Variants in SLC25A20 observed in about 807,000 individuals in gnomAD.
SLC25A20 encodes the protein mitochondrial carnitine/acylcarnitine carrier protein.
Under a neutral mutation model 39.7 loss-of-function variants are expected in SLC25A20, and 29 were observed. The ratio of observed to expected loss-of-function variants is 0.73; its 90% CI spans 0.54 to 1.00. SLC25A20 has a LOEUF of 1.00. Among genes scored for constraint, SLC25A20 ranks in the 50% least tolerant of loss-of-function variants. The pLI, the probability that SLC25A20 is intolerant of heterozygous loss-of-function variation, is 0.00. For missense variants in SLC25A20, 333 were observed against 379.9 expected, an observed-to-expected ratio of 0.88 and a Z score of 1.03; for synonymous variants, 103 against 142.2, an observed-to-expected ratio of 0.72 and a Z score of 1.96.
At chr3:48,863,661 G>A (rs1251280648) in intron 4 of SLC25A20, among the ~76,000 whole-genome samples, 1 of 152,162 alleles carries the variant, frequency 6.6e-6, no homozygotes, top group African/African-American at 2.4e-5. Flanking sequence ...GTTCCAAAGA[G>A]AAACACTTAC....
intron 3 of SLC25A20, among the ~76,000 whole-genome samples, chr3:48,880,571 CG>C (rs1032081950): frequency 1.5e-5 from 2 of 135,644 alleles, no homozygotes; most frequent in African/African-American, 2.7e-5. Flanking sequence ...CCACTGTGCC[CG>C]GCTTTTTTTT....
chr3:48,894,142 G>A (rs1426996080), intron 1 of SLC25A20, among the ~76,000 whole-genome samples: 1 of 142,362 alleles, frequency 7.0e-6, no homozygotes, highest in African/African-American at 2.6e-5. Context: ...GCCTGGGCAA[G>A]AGTGAGACTC....
intron 1 of SLC25A20, among the ~76,000 whole-genome samples, chr3:48,897,841 C>T (rs2083921234): frequency 6.6e-6 from 1 of 152,194 alleles, no homozygotes; most frequent in Non-Finnish European, 1.5e-5. Context: ...ATTTCCTTCA[C>T]GTCTACGTCT....
At chr3:48,898,620 C>A in intron 1 of SLC25A20, 70 bp downstream of exon 1, 1 of 1,412,396 alleles carries the variant, frequency 7.1e-7, no homozygotes, top group South Asian at 1.2e-5. Flanking sequence ...GTCCGCGCCT[C>A]GCGGGGGACC....
chr3:48,875,517 C>G (rs1301074426), intron 4 of SLC25A20, among the ~76,000 whole-genome samples: 1 of 152,174 alleles, frequency 6.6e-6, no homozygotes, highest in African/African-American at 2.4e-5. Flanking sequence ...TCAAGCAATT[C>G]TCGTGCCTCA....
chr3:48,869,802 C>T (rs890169363), intron 4 of SLC25A20, among the ~76,000 whole-genome samples: 1 of 151,958 alleles, frequency 6.6e-6, no homozygotes, highest in East Asian at 1.9e-4. Flanking sequence ...CAGGGTGAGA[C>T]TCTGTCTCTA....
chr3:48,877,689 A>G (rs2083768971), intron 4 of SLC25A20, among the ~76,000 whole-genome samples: 1 of 152,000 alleles, frequency 6.6e-6, no homozygotes, highest in South Asian at 2.1e-4. Context: ...AGATCATGCC[A>G]CTGCATTCCA....
chr3:48,865,151 C>T (rs2083657149), intron 4 of SLC25A20, among the ~76,000 whole-genome samples: 1 of 148,666 alleles, frequency 6.7e-6, no homozygotes, highest in Non-Finnish European at 1.5e-5. Context: ...TTTTTTGAGA[C>T]GGAGTCTTGC....
At chr3:48,894,896 C>T (rs1264362981) in intron 1 of SLC25A20, among the ~76,000 whole-genome samples, 1 of 152,250 alleles carries the variant, frequency 6.6e-6, no homozygotes, top group East Asian at 1.9e-4. Context: ...TGGCTCACCG[C>T]AACCTCTGCC....
intron 4 of SLC25A20, among the ~76,000 whole-genome samples, chr3:48,877,339 AAG>A (rs1217785084): frequency 1.3e-5 from 2 of 151,984 alleles, no homozygotes; most frequent in Non-Finnish European, 2.9e-5. Context: ...GCTTGAACCC[AAG>A]AGGCGGAGGT....
chr3:48,896,049 A>C (rs9882714), intron 1 of SLC25A20, among the ~76,000 whole-genome samples: 7,096 of 151,730 alleles, frequency 0.047, 554 homozygotes, highest in African/African-American at 0.16. Flanking sequence ...CTGAGGCAAA[A>C]GAATTGCTTG....
At chr3:48,886,810 A>T (rs2083832576) in intron 2 of SLC25A20, among the ~76,000 whole-genome samples, 2 of 152,154 alleles carry the variant, frequency 1.3e-5, no homozygotes, top group Non-Finnish European at 2.9e-5. Flanking sequence ...GCAAGACCCC[A>T]TCTCAAAACC....
At chr3:48,893,231 T>C (rs1398674395) in intron 1 of SLC25A20, among the ~76,000 whole-genome samples, 3 of 152,064 alleles carry the variant, frequency 2.0e-5, no homozygotes, top group Non-Finnish European at 4.4e-5. Flanking sequence ...TCTCACTATA[T>C]TGCTCTATAT....
chr3:48,865,234 T>C (rs1196118314), intron 4 of SLC25A20, among the ~76,000 whole-genome samples: 1 of 151,522 alleles, frequency 6.6e-6, no homozygotes, highest in East Asian at 2.0e-4. Flanking sequence ...TTCAAGTGAT[T>C]CTCCTGCCTC....
intron 1 of SLC25A20, among the ~76,000 whole-genome samples, chr3:48,893,508 C>T (rs2083891963): frequency 6.6e-6 from 1 of 151,914 alleles, no homozygotes; most frequent in Admixed American, 6.6e-5. Context: ...TACACTTCAG[C>T]TTGGGTAAAA....
chr3:48,859,887 C>G (rs2083610955), intron 5 of SLC25A20, among the ~76,000 whole-genome samples: 1 of 152,164 alleles, frequency 6.6e-6, no homozygotes, highest in Admixed American at 6.6e-5. Context: ...GAAAAAAATG[C>G]CAGGCATGGT....
intron 4 of SLC25A20, among the ~76,000 whole-genome samples, chr3:48,872,677 C>G (rs1032530662): frequency 6.7e-6 from 1 of 148,854 alleles, no homozygotes; most frequent in Non-Finnish European, 1.5e-5. Flanking sequence ...ATGGCAAGAC[C>G]CCATCCTTAC....
chr3:48,877,659 G>A (rs924436816), intron 4 of SLC25A20, among the ~76,000 whole-genome samples: 1 of 151,850 alleles, frequency 6.6e-6, no homozygotes, highest in Non-Finnish European at 1.5e-5. Context: ...AACCCAGGAG[G>A]CGGAGGTTGC....
intron 4 of SLC25A20, among the ~76,000 whole-genome samples, chr3:48,875,045 G>C (rs150701649): frequency 0.016 from 1,973 of 126,894 alleles, 53 homozygotes; most frequent in African/African-American, 0.053. Flanking sequence ...CTGGGCAACT[G>C]AACGAGACTC....
Sources: gnomAD v4.1 joint callset for allele counts (sites outside exome capture counted in the v4.1 genomes callset) on GRCh38, gnomAD v4.1.1 for gene constraint, MANE v1.5 for transcripts, NCBI Gene and HGNC (gene_info 2026-07-23, HGNC 2026-07-21) for gene names.